Variants in RYR2 observed in about 807,000 individuals in gnomAD.
RYR2 encodes the protein cardiac muscle ryanodine receptor-calcium release channel.
In RYR2, 227 loss-of-function variants were observed where a neutral mutation model predicts 601.1. The ratio of observed to expected loss-of-function variants is 0.38; its 90% confidence interval spans 0.34 to 0.42. RYR2 has a LOEUF of 0.42. Ranked by LOEUF, RYR2 falls within the 10% of genes least tolerant of loss-of-function variation. RYR2 has a pLI of 1.00. For synonymous variants in RYR2, 2,223 were observed against 2,175.1 expected (o/e 1.02, Z -0.61); for missense variants, 4,646 against 6,156.5 (o/e 0.75, Z 8.21).
At chr1:237,776,639 T>TTC (rs3835527) in intron 87 of RYR2, among the ~76,000 whole-genome samples, 23,223 of 149,578 alleles carry the variant, frequency 0.16, 1,832 homozygotes, top group East Asian at 0.26. Context: ...CTGAAGGTTC[T>TTC]TCTCTCTCTC....
chr1:237,689,548 A>T (rs550164222), intron 63 of RYR2, among the ~76,000 whole-genome samples: 2 of 152,292 alleles, frequency 1.3e-5, no homozygotes, highest in South Asian at 4.1e-4. Flanking sequence ...TTAGGGGTGA[A>T]AAACTAGACC....
intron 35 of RYR2, among the ~76,000 whole-genome samples, chr1:237,607,254 A>G (rs2148545002): frequency 1.3e-5 from 2 of 152,328 alleles, no homozygotes; most frequent in Middle Eastern, 6.8e-3. Flanking sequence ...ACGAAAAATG[A>G]TGAGTTCATG....
At chr1:237,347,714 G>A (rs1698421642) in intron 3 of RYR2, among the ~76,000 whole-genome samples, 1 of 151,940 alleles carries the variant, frequency 6.6e-6, no homozygotes, top group Non-Finnish European at 1.5e-5. Context: ...CCTAGAAATA[G>A]TATTAGTCTA....
intron 27 of RYR2, among the ~76,000 whole-genome samples, chr1:237,558,893 G>A (rs1373345444): frequency 2.0e-5 from 3 of 151,574 alleles, no homozygotes; most frequent in Non-Finnish European, 2.9e-5. Flanking sequence ...TCTGATGTAT[G>A]TTTAATTTCA....
chr1:237,601,956 A>T (rs527240719), intron 34 of RYR2, 69 bp from the exon 35 acceptor site: 23 of 1,344,240 alleles, frequency 1.7e-5, no homozygotes, highest in Non-Finnish European at 2.2e-5. Flanking sequence ...CTTTGTTGTT[A>T]TAAAGAAAAA....
At chr1:237,682,128 A>G (rs1685938531) in intron 62 of RYR2, among the ~76,000 whole-genome samples, 1 of 152,170 alleles carries the variant, frequency 6.6e-6, no homozygotes, top group Non-Finnish European at 1.5e-5. Context: ...CTGAGCCCAT[A>G]CTATGCATAT....
intron 1 of RYR2, among the ~76,000 whole-genome samples, chr1:237,205,161 T>C (rs1681664765): frequency 6.6e-6 from 1 of 152,068 alleles, no homozygotes; most frequent in South Asian, 2.1e-4. Flanking sequence ...AAGGACATGG[T>C]TTTCTAGAAC....
intron 24 of RYR2, among the ~76,000 whole-genome samples, chr1:237,517,779 C>G (rs12143355): frequency 0.04 from 6,155 of 152,192 alleles, 182 homozygotes; most frequent in Middle Eastern, 0.13. Context: ...ATTGATAAAC[C>G]TACATTGACA....
At chr1:237,566,507 C>G in intron 27 of RYR2, 60 bp from the exon 28 acceptor site, 1 of 1,497,146 alleles carries the variant, frequency 6.7e-7, no homozygotes, top group African/African-American at 1.4e-5. Flanking sequence ...TTTATGATAT[C>G]TTTCCTTCTC....
chr1:237,419,613 A>C (rs1048258785), intron 11 of RYR2, among the ~76,000 whole-genome samples: 19 of 152,164 alleles, frequency 1.2e-4, no homozygotes, highest in African/African-American at 4.6e-4. Flanking sequence ...CAGAGAAGGC[A>C]GAGCAGGTAG....
In RYR2 at chr1:237,798,030, C is replaced by A. The variant is rs1659470496; in HGVS notation, c.13957-7C>A. 1.2e-6 allele frequency: 2 copies of A among 1,607,464 alleles called. No homozygotes were observed. The highest frequency in any genetic ancestry group is 2.2e-5 in the South Asian group (2 of 89,500). On this transcript the variant is annotated splice_region_variant and splice_polypyrimidine_tract_variant and intron_variant, in intron 96 of 104. Transcript: ENST00000366574. Reference sequence around the variant, plus strand: ...AGCCAACAAAATGCTTTTTCTCATACCCCAAGGTTATGGATAAATATGGAG... The same window carrying A: ...AGCCAACAAAATGCTTTTTCTCATAACCCAAGGTTATGGATAAATATGGAG...
chr1:237,669,810 C>A (rs1684731999), intron 58 of RYR2, among the ~76,000 whole-genome samples: 1 of 148,424 alleles, frequency 6.7e-6, no homozygotes, highest in Non-Finnish European at 1.5e-5. Context: ...CCAGACTGGG[C>A]AGCCAGGCAG....
intron 1 of RYR2, among the ~76,000 whole-genome samples, chr1:237,096,301 C>T (rs555378329): frequency 1.3e-5 from 2 of 152,338 alleles, no homozygotes; most frequent in South Asian, 2.1e-4. Context: ...TCACATGGAA[C>T]TCTTTTCTTC....
intron 3 of RYR2, among the ~76,000 whole-genome samples, chr1:237,331,512 C>CTTTTCTTTTTTTTTTTTTTTT: frequency 6.6e-6 from 1 of 150,764 alleles, no homozygotes; most frequent in African/African-American, 2.5e-5. Flanking sequence ...TTTTTCTTTT[C>CTTTTCTTTTTTTTTTTTTTTT]TTTTTTTTGA....
chr1:237,801,635 T>C (rs1380038881), intron 97 of RYR2, among the ~76,000 whole-genome samples: 1 of 151,722 alleles, frequency 6.6e-6, no homozygotes, highest in Non-Finnish European at 1.5e-5. Flanking sequence ...AAGGTGATGA[T>C]GTTTTGTTTT....
At chr1:237,306,092 G>T (rs1055061224) in intron 2 of RYR2, among the ~76,000 whole-genome samples, 2 of 152,186 alleles carry the variant, frequency 1.3e-5, no homozygotes, top group African/African-American at 4.8e-5. Context: ...AGAAGAGTTT[G>T]TATATAGATA....
At chr1:237,053,544 G>A (rs1018017744) in intron 1 of RYR2, among the ~76,000 whole-genome samples, 1 of 152,194 alleles carries the variant, frequency 6.6e-6, no homozygotes, top group African/African-American at 2.4e-5. Flanking sequence ...AGAGGATACG[G>A]AAACTGGTGA....
intron 23 of RYR2, among the ~76,000 whole-genome samples, 195 bp from the exon 24 acceptor site, chr1:237,511,493 C>T (rs1054156161): frequency 2.0e-5 from 3 of 151,874 alleles, no homozygotes; most frequent in African/African-American, 4.8e-5. Flanking sequence ...AGGGAAGGAA[C>T]GAAGATAATG....
chr1:237,625,755 G>A lies in RYR2; in HGVS notation c.6117G>A (p.Leu2039=). Residue 2039 remains leucine (L), a synonymous_variant, in exon 40 of 105, where the codon CTG becomes CTA. Coordinates refer to ENST00000366574, the MANE Select transcript of RYR2 (RefSeq NM_001035.3). ...CCCTGGTAGAAAAGGTGACATATCT[G>A]AAGAAGAAGCAAGCAGAAAAACCAG... ...LLSLVEKVTY[L]KKKQAEKPVE... The A allele has an allele frequency of 6.2e-7, 1 of 1,613,766 alleles. No homozygotes were observed. The highest frequency in any genetic ancestry group is 8.5e-7 in the Non-Finnish European group (1 of 1,179,814).
Sources: gnomAD v4.1 joint callset for allele counts (sites outside exome capture counted in the v4.1 genomes callset) on GRCh38, gnomAD v4.1.1 for gene constraint, MANE v1.5 for transcripts, NCBI Gene and HGNC (gene_info 2026-07-23, HGNC 2026-07-21) for gene names.